The following ANKFY1 variants were observed in gnomAD, a reference collection of about 807,000 sequenced individuals.
ANKFY1 encodes ankyrin repeat and FYVE domain-containing protein 1.
In ANKFY1, 47 loss-of-function variants were observed where a neutral mutation model predicts 128.3. The observed-to-expected ratio is 0.37, with a 90% CI of 0.29 to 0.47. ANKFY1 has a LOEUF of 0.47. Among genes scored for constraint, ANKFY1 ranks in the 20% least tolerant of loss-of-function variants. The pLI, the probability that ANKFY1 is intolerant of heterozygous loss-of-function variation, is 1.00. For missense variants in ANKFY1, 1,222 were observed against 1,510.6 expected, an observed-to-expected ratio of 0.81 and a Z score of 3.17; for synonymous variants, 553 against 601.6, an observed-to-expected ratio of 0.92 and a Z score of 1.18.
chr17:4,205,091 A>G (rs895641122), intron 7 of ANKFY1, among the ~76,000 whole-genome samples: 4 of 152,254 alleles, frequency 2.6e-5, no homozygotes, highest in African/African-American at 9.6e-5. Flanking sequence ...AAAATGTAGC[A>G]CAGACAATAA....
At chr17:4,228,751 C>T (rs2060467018) in intron 3 of ANKFY1, among the ~76,000 whole-genome samples, 1 of 152,304 alleles carries the variant, frequency 6.6e-6, no homozygotes. Context: ...GTGGCAGTGG[C>T]TTCACAGGTG....
At chr17:4,217,995 T>G (rs963383200) in intron 3 of ANKFY1, among the ~76,000 whole-genome samples, 2 of 152,156 alleles carry the variant, frequency 1.3e-5, no homozygotes, top group Non-Finnish European at 1.5e-5. Flanking sequence ...GAGTTAACAT[T>G]CTTTATGATA....
At chr17:4,223,271 G>T in intron 3 of ANKFY1, 1 of 890,146 alleles carries the variant, frequency 1.1e-6, no homozygotes, top group Non-Finnish European at 1.9e-6. Flanking sequence ...CATGAACTGA[G>T]GGAATCTTCA....
rs770047610 is a variant in ANKFY1, at chr17:4,183,503, T to C, written c.1847A>G (p.Asn616Ser). 5.6e-6 allele frequency: 9 copies of C among 1,613,036 alleles called. No homozygotes were observed. The highest frequency in any genetic ancestry group is 3.3e-5 in the Admixed American group (2 of 60,006). Residue 616 changes from asparagine to serine, a missense_variant, in exon 14 of 25, where the codon AAT becomes AGT. Physicochemically the swap from Asn to Ser is conservative, Grantham distance 46. Coordinates refer to ENST00000341657, the MANE Select transcript of ANKFY1 (RefSeq NM_001330063.2). ...CGTCTGCCCATCCGACATGGTGTCA[T>C]TGATGGCGGCTCCAGAGCCCAGCAG... is the stretch of plus-strand genomic sequence containing the variant. ...AQLLGSGAAI[N>S]DTMSDGQTLL...
At chr17:4,238,259 A>G (rs1350169219) in intron 2 of ANKFY1, among the ~76,000 whole-genome samples, 3 of 152,082 alleles carry the variant, frequency 2.0e-5, no homozygotes, top group Admixed American at 6.5e-5. Flanking sequence ...AGATGTACAT[A>G]AAAATACTAT....
At chr17:4,206,834 C>T (rs2060033186) in intron 6 of ANKFY1, among the ~76,000 whole-genome samples, 1 of 152,196 alleles carries the variant, frequency 6.6e-6, no homozygotes, top group Non-Finnish European at 1.5e-5. Flanking sequence ...TCATGAAAGG[C>T]AGTGGCGTTC....
At chr17:4,206,861 A>G (rs76603137) in intron 6 of ANKFY1, among the ~76,000 whole-genome samples, 8,007 of 152,216 alleles carry the variant, frequency 0.053, 451 homozygotes, top group African/African-American at 0.14. Context: ...CATTCTTCCC[A>G]GCAGTTTAAT....
chr17:4,240,283 CTTAAA>C (rs1967138554), intron 2 of ANKFY1, among the ~76,000 whole-genome samples: 2 of 151,738 alleles, frequency 1.3e-5, no homozygotes, highest in South Asian at 4.2e-4. Flanking sequence ...CCAGGCTGGT[CTTAAA>C]CTCCTGACCT....
rs1052520852 is a variant in ANKFY1, at chr17:4,166,060, C to G, written c.*1719G>C. 6.6e-6 allele frequency: 1 copy of G among 152,072 alleles called. No individual in the cohort carries two copies. Among genetic ancestry groups the G allele is most frequent in the Non-Finnish European group, 1.5e-5 (1 of 67,994 alleles). The allele number at this position is 152,072 out of a possible 1,614,324, so 9.4% of individuals were successfully genotyped here. ...GTATGAAATATGTCAGACTGGGGGA[C>G]GGGGGATCTCTTCTAATTCATTGTT... On this transcript the variant is annotated 3_prime_UTR_variant, in exon 25 of 25. Coordinates refer to ENST00000341657, the MANE Select transcript of ANKFY1 (RefSeq NM_001330063.2).
At chr17:4,224,218 T>G (rs966824988) in intron 3 of ANKFY1, among the ~76,000 whole-genome samples, 1 of 74,436 alleles carries the variant, frequency 1.3e-5, no homozygotes, top group Non-Finnish European at 3.4e-5. Context: ...TTTGAAGTTT[T>G]TTTTTTTTTT....
chr17:4,211,299 A>C (rs1456226152), intron 4 of ANKFY1, among the ~76,000 whole-genome samples: 1 of 151,704 alleles, frequency 6.6e-6, no homozygotes, highest in Non-Finnish European at 1.5e-5. Flanking sequence ...GGGGAGGCTG[A>C]GGCACAAGAA....
intron 3 of ANKFY1, among the ~76,000 whole-genome samples, chr17:4,225,041 A>C (rs1282884430): frequency 2.8e-5 from 4 of 142,470 alleles, no homozygotes; most frequent in Non-Finnish European, 6.1e-5. Flanking sequence ...AAATTAAAGG[A>C]TTTGTTTTAT....
intron 11 of ANKFY1, 78 bp downstream of exon 11, chr17:4,189,304 C>T: frequency 7.9e-7 from 1 of 1,261,254 alleles, no homozygotes; most frequent in South Asian, 1.3e-5. Context: ...CACCTATTCC[C>T]CTTTTTCCTA....
At chr17:4,190,812 T>C (rs1203681868) in intron 10 of ANKFY1, among the ~76,000 whole-genome samples, 2 of 152,096 alleles carry the variant, frequency 1.3e-5, no homozygotes, top group Non-Finnish European at 2.9e-5. Context: ...AAATTCTAAA[T>C]AAACCAAACA....
At chr17:4,212,166 C>T (rs983043701) in intron 4 of ANKFY1, among the ~76,000 whole-genome samples, 4 of 152,200 alleles carry the variant, frequency 2.6e-5, no homozygotes, top group African/African-American at 9.7e-5. Flanking sequence ...TCAGGTTCAC[C>T]TCCAAGGGCA....
At chr17:4,176,153 G>C (rs533300277) in intron 19 of ANKFY1, among the ~76,000 whole-genome samples, 2 of 152,168 alleles carry the variant, frequency 1.3e-5, no homozygotes, top group Non-Finnish European at 2.9e-5. Context: ...GCTCGGTCTC[G>C]TCACTGGTGA....
intron 3 of ANKFY1, among the ~76,000 whole-genome samples, chr17:4,229,156 G>A (rs901745593): frequency 2.0e-5 from 3 of 152,192 alleles, no homozygotes; most frequent in Non-Finnish European, 4.4e-5. Flanking sequence ...AGGCATGGTG[G>A]CTCACACCTG....
At chr17:4,179,415 G>A (rs2059469150) in intron 17 of ANKFY1, 2 of 516,518 alleles carry the variant, frequency 3.9e-6, no homozygotes, top group Non-Finnish European at 6.9e-6. Flanking sequence ...GTGCTCAAGT[G>A]AGCTACTGGG....
intron 5 of ANKFY1, among the ~76,000 whole-genome samples, chr17:4,208,379 G>A (rs1475076052): frequency 6.6e-6 from 1 of 152,164 alleles, no homozygotes; most frequent in Non-Finnish European, 1.5e-5. Flanking sequence ...GCATTACTGT[G>A]CCTCCCAGTG....
Sources: gnomAD v4.1 joint callset for allele counts (sites outside exome capture counted in the v4.1 genomes callset) on GRCh38, gnomAD v4.1.1 for gene constraint, MANE v1.5 for transcripts, NCBI Gene and HGNC (gene_info 2026-07-23, HGNC 2026-07-21) for gene names.